SCN4A: variants seen among roughly 807,000 people sequenced by gnomAD.
SCN4A encodes sodium channel protein type 4 subunit alpha.
In SCN4A, 83 loss-of-function variants were observed where a neutral mutation model predicts 162.0. The ratio of observed to expected loss-of-function variants is 0.51; its 90% CI spans 0.43 to 0.61. The LOEUF (loss-of-function observed/expected upper bound fraction) is 0.61, where lower values mean the gene tolerates loss of function less well. SCN4A is among the 20% of genes least tolerant of loss of function. The pLI is 0.00. For synonymous variants in SCN4A, 944 were observed against 985.1 expected (o/e 0.96, Z 0.78); for missense variants, 2,196 against 2,462.5 (o/e 0.89, Z 2.29).
At position 63,951,277 on chromosome 17, in the gene SCN4A, C is replaced by T. The variant is rs746868978; in HGVS notation, c.2853+147G>A. 135 of 614,480 alleles carry T rather than the reference C, an allele frequency of 2.2e-4. No homozygotes were observed. The highest frequency in any genetic ancestry group is 3.6e-4 in the Non-Finnish European group (125 of 350,024). The allele number at this position is 614,480 out of a possible 1,614,324, so 38.1% of individuals were successfully genotyped here. On this transcript the variant is annotated intron_variant, in intron 14 of 23. Coordinates refer to ENST00000435607, the MANE Select transcript of SCN4A (RefSeq NM_000334.4). This position sits in a 1 kb window ranked among gnomAD's most constrained non-coding sequence, Gnocchi z 4.5. ...CGCGGACTGCATGCTTTACATACAG[C>T]GTCTCACATAATGCTTGCAACAATG...
chr17:63,944,172 G>A lies in SCN4A; in HGVS notation c.3913-322C>T, dbSNP rs775858078. The stretch of plus-strand genomic sequence containing the variant: ...TTTTTTGTTGTTGAGATGGAGTCTC[G>A]CTCTGTCACCAGGCTGGAGTGCAGT... On this transcript the variant is annotated intron_variant, in intron 21 of 23. Transcript: ENST00000435607. This position sits in a 1 kb window ranked among gnomAD's most constrained non-coding sequence, Gnocchi z 4.3. Among the ~76,000 whole-genome samples, 1 of 151,888 alleles carries A rather than the reference G, an allele frequency of 6.6e-6. No individual in the cohort carries two copies. Among genetic ancestry groups the A allele is most frequent in the Non-Finnish European group, 1.5e-5 (1 of 67,976 alleles).
intron 13 of SCN4A, among the ~76,000 whole-genome samples, chr17:63,956,929 C>G (rs1467351414): frequency 6.6e-6 from 1 of 152,258 alleles, no homozygotes; most frequent in Non-Finnish European, 1.5e-5. Context: ...GTCCCCAGGC[C>G]TAGGCCCAGA....
At chr17:63,957,873 C>T (rs568666628) in intron 12 of SCN4A, among the ~76,000 whole-genome samples, 6 of 151,688 alleles carry the variant, frequency 4.0e-5, no homozygotes, top group Non-Finnish European at 5.9e-5. Flanking sequence ...GGCATGGTGG[C>T]GAGTGCCTGT....
At position 63,968,320 on chromosome 17, in the gene SCN4A, C is replaced by G. The variant is rs755321637; in HGVS notation, c.739G>C (p.Val247Leu). The G allele has an allele frequency of 3.5e-5, 56 of 1,608,198 alleles. No individual in the cohort carries two copies. The Admixed American group carries it at 9.0e-4, about 26-fold the overall frequency. Residue 247 changes from valine to leucine, a missense_variant, in exon 6 of 24, where the codon GTG (valine) becomes CTG (leucine). Val to Leu is a conservative substitution (Grantham distance 32, BLOSUM62 1). Coordinates refer to ENST00000435607, the MANE Select transcript of SCN4A (RefSeq NM_000334.4). ...ATCATCACATCCGACAGCTTTTTCA[C>G]CGACTGGATCAGGGCCCCCACGATC... ...KTIVGALIQS[V>L]KKLSDVMILT...
chr17:63,959,503 C>T (rs1477345888), intron 11 of SCN4A, 65 bp from the exon 12 acceptor site: 2 of 1,487,326 alleles, frequency 1.3e-6, no homozygotes, highest in Non-Finnish European at 9.2e-7. Flanking sequence ...AAGTCTCCCA[C>T]CCAACTCCCA....
Position 63,939,890 on chromosome 17 carries a change from G to A in SCN4A, c.*881C>T, listed in dbSNP as rs1263722400. ...AGTGAGGCAGGGAGAGAGGGAAGGG[G>A]CGAGAATCTTCTTACTGAGCAGCAG... On this transcript the variant is annotated 3_prime_UTR_variant, in exon 24 of 24. Transcript: ENST00000435607. 1 of 152,184 alleles carries A rather than the reference G, an allele frequency of 6.6e-6. No individual in the cohort carries two copies. Among genetic ancestry groups the A allele is most frequent in the African/African-American group, 2.4e-5 (1 of 41,404 alleles). The allele number at this position is 152,184 out of a possible 1,614,324, so 9.4% of individuals were successfully genotyped here. A position where few individuals can be genotyped will look rare whatever the true frequency, so the allele number is the denominator to read the frequency against.
At position 63,942,811 on chromosome 17, in the gene SCN4A, G is replaced by C; in HGVS notation, c.4288+15C>G. On this transcript the variant is annotated intron_variant, in intron 23 of 23. Transcript: ENST00000435607. ...AGCTCAGTGCTGCCCTGCCGGTCCA[G>C]CCCGCCCCGCTCACCCACAATGGAC... 1 of 1,610,484 alleles carries C rather than the reference G, an allele frequency of 6.2e-7. No individual in the cohort carries two copies. The highest frequency in any genetic ancestry group is 8.5e-7 in the Non-Finnish European group (1 of 1,177,428).
intron 6 of SCN4A, 118 bp downstream of exon 6, chr17:63,967,905 C>A: frequency 1.1e-6 from 1 of 892,208 alleles, no homozygotes; most frequent in Non-Finnish European, 1.7e-6. Flanking sequence ...TGCACTCCAG[C>A]CTGGGTGACA....
At chr17:63,947,813 G>C in intron 17 of SCN4A, 77 bp downstream of exon 17, 8 of 1,478,974 alleles carry the variant, frequency 5.4e-6, no homozygotes, top group Non-Finnish European at 7.4e-6. Flanking sequence ...CTGCCCTTCA[G>C]GGCGTGGGCT....
At position 63,972,443 on chromosome 17, in the gene SCN4A, C is replaced by T. The variant is rs142672746; in HGVS notation, c.301G>A (p.Ala101Thr). The T allele has an allele frequency of 1.9e-6, 3 of 1,613,866 alleles. No homozygotes were observed. In the East Asian group the frequency reaches 6.7e-5, roughly 36 times the overall value. Residue 101 changes from alanine (A) to threonine (T), a missense_variant, in exon 2 of 24, where the codon GCC (alanine) becomes ACC (threonine). Physicochemically the swap from Ala to Thr is moderately conservative, Grantham distance 58. Coordinates refer to ENST00000435607, the MANE Select transcript of SCN4A (RefSeq NM_000334.4). The surrounding 1 kb of genome is among the most constrained non-coding windows in gnomAD (Gnocchi z 4.3). The stretch of plus-strand genomic sequence containing the variant: ...GGTGTGGCGGAGAAGCGGAAGATGG[C>T]CTTGCCCTTGTTGAGTACGATGAAG... ...KTFIVLNKGK[A>T]IFRFSATPAL...
chr17:63,946,473 C>T (rs760179060), intron 18 of SCN4A, among the ~76,000 whole-genome samples: 9 of 122,490 alleles, frequency 7.3e-5, no homozygotes, highest in Non-Finnish European at 9.6e-5. Flanking sequence ...CCCCCCCCCC[C>T]ACCCCGCCGC....
rs1909626056 is a variant in SCN4A at position 63,972,010 on chromosome 17, G to C, written c.482+126C>G. ...AGCATGGCCACCCCAGGGACTCAAG[G>C]TGTGGATGAGGGTCACAATGACAGT... On this transcript the variant is annotated intron_variant, in intron 3 of 23. Transcript: ENST00000435607. The surrounding 1 kb of genome is among the most constrained non-coding windows in gnomAD (Gnocchi z 4.3). 4 of 1,041,680 alleles carry C rather than the reference G, an allele frequency of 3.8e-6. No individual in the cohort carries two copies. Among genetic ancestry groups the C allele is most frequent in the Middle Eastern group, 4.9e-4 (2 of 4,122 alleles). 64.5% of individuals were successfully genotyped at this position (1,041,680 alleles called of 1,614,324 possible).
chr17:63,958,230 A>G (rs1909133319), intron 12 of SCN4A, among the ~76,000 whole-genome samples: 1 of 151,562 alleles, frequency 6.6e-6, no homozygotes, highest in African/African-American at 2.4e-5. Context: ...TTAGCTAGGC[A>G]TGGTGGTCCC....
rs770398125 is a variant in SCN4A at position 63,941,889 on chromosome 17, C to T, written c.4393G>A (p.Ala1465Thr). The change falls in exon 24 of 24, where the codon GCC becomes ACC. Residue 1465 changes from alanine to threonine, a missense_variant. By Grantham distance (58) the Ala-to-Thr change is moderately conservative. Coordinates refer to ENST00000435607, the MANE Select transcript of SCN4A (RefSeq NM_000334.4). The surrounding 1 kb of genome is among the most constrained non-coding windows in gnomAD (Gnocchi z 6.2). ...AACAGCAGCGTCCGGATGCCCTTGGCCCCGCGGATCAGCCGCAGGACACGC... is the reference window on the plus strand; with the variant it reads ...AACAGCAGCGTCCGGATGCCCTTGGTCCCGCGGATCAGCCGCAGGACACGC... ...IGRVLRLIRG[A>T]KGIRTLLFAL... is the part of the protein sequence containing the mutation. The T allele has an allele frequency of 6.2e-7, 1 of 1,613,370 alleles. No individual in the cohort carries two copies. Among genetic ancestry groups the T allele is most frequent in the African/African-American group, 1.3e-5 (1 of 74,944 alleles).
At position 63,957,288 on chromosome 17, in the gene SCN4A, G is replaced by A. The variant is rs1909099636; in HGVS notation, c.2250C>T (p.Ser750=). 6.2e-7 allele frequency: 1 copy of A among 1,614,156 alleles called. No homozygotes were observed. Among genetic ancestry groups the A allele is most frequent in the Middle Eastern group, 1.6e-4 (1 of 6,062 alleles). Reference sequence around the variant, plus strand: ...ACAGGATGCGGAAGACGATGAGGAAGGAGTGGAAGAAATCATGCATGTGCC... The same window carrying A: ...ACAGGATGCGGAAGACGATGAGGAAAGAGTGGAAGAAATCATGCATGTGCC... The part of the protein sequence containing the change: ...PRWHMHDFFH[S]FLIVFRILCG... Residue 750 remains serine, a synonymous_variant, in exon 13 of 24, where the codon TCC becomes TCT. Coordinates refer to ENST00000435607, the MANE Select transcript of SCN4A (RefSeq NM_000334.4).
intron 5 of SCN4A, among the ~76,000 whole-genome samples, chr17:63,970,042 G>C (rs892856975): frequency 2.0e-5 from 3 of 152,062 alleles, no homozygotes; most frequent in African/African-American, 7.2e-5. Flanking sequence ...AGAATCTCCA[G>C]TTTCTCCACA....
At chr17:63,954,232 C>T (rs2096232385) in intron 13 of SCN4A, among the ~76,000 whole-genome samples, 1 of 152,216 alleles carries the variant, frequency 6.6e-6, no homozygotes, top group Non-Finnish European at 1.5e-5. Flanking sequence ...ATGTTAAATA[C>T]TCTCTTTAAA....
chr17:63,947,920 G>A lies in SCN4A; in HGVS notation c.3288C>T (p.Ala1096=), dbSNP rs1597971086. The A allele has an allele frequency of 6.2e-7, 1 of 1,613,902 alleles. No homozygotes were observed. Among genetic ancestry groups the A allele is most frequent in the Non-Finnish European group, 8.5e-7 (1 of 1,179,848 alleles). Residue 1096 remains alanine (A), a synonymous_variant, in exon 17 of 24, where the codon GCC becomes GCT. Coordinates refer to ENST00000435607, the MANE Select transcript of SCN4A (RefSeq NM_000334.4). ...AYGFKVYFTN[A]WCWLDFLIVD... ...CGATGAGGAAGTCGAGCCAGCACCA[G>A]GCGTTGGTGAAGTACACCTTAAAGC...
Position 63,961,876 on chromosome 17 carries a change from C to CT in SCN4A, c.1607-446_1607-445insA, listed in dbSNP as rs1278919244. ...AAGCCCCACCTCCTCAAAGCCCCAC[C>CT]CCCGGCTCCAAGCTCCTCCGCCTCA... On this transcript the variant is annotated intron_variant, in intron 10 of 23. Transcript: ENST00000435607. Among the ~76,000 whole-genome samples, 979 of 148,934 alleles carry CT rather than the reference C, an allele frequency of 6.6e-3. 13 individuals carry two copies. The highest frequency in any genetic ancestry group is 0.024 in the African/African-American group (919 of 39,074).
Sources: gnomAD v4.1 joint callset for allele counts (sites outside exome capture counted in the v4.1 genomes callset) on GRCh38, gnomAD v4.1.1 for gene constraint, Gnocchi (gnomAD v3.1) non-coding constraint, MANE v1.5 for transcripts, NCBI Gene and HGNC (gene_info 2026-07-23, HGNC 2026-07-21) for gene names.